BMPR1A: variants seen among roughly 807,000 people sequenced by gnomAD.
BMPR1A encodes the protein bone morphogenetic protein receptor type-1A.
BMPR1A carries 7 observed loss-of-function variants against 66.0 expected under a neutral mutation model. That is an observed-to-expected ratio of 0.11 (90% CI 0.06 to 0.20). The LOEUF is 0.20. Among genes scored for constraint, BMPR1A ranks in the 10% least tolerant of loss-of-function variants. BMPR1A has a pLI of 1.00. For missense variants in BMPR1A, 408 were observed against 669.1 expected (o/e 0.61, Z 4.31); for synonymous variants, 200 against 229.7 (o/e 0.87, Z 1.17).
At chr10:86,931,864 A>G (rs1486051441), downstream of BMPR1A, 1 of 151,774 alleles carries the variant, frequency 6.6e-6, no homozygotes, top group Non-Finnish European at 1.5e-5. Flanking sequence ...TTCTCTTTCT[A>G]GAACTTTCTA....
intron 1 of BMPR1A, among the ~76,000 whole-genome samples, chr10:86,790,629 C>T (rs1841601948): frequency 6.6e-6 from 1 of 152,026 alleles, no homozygotes; most frequent in Non-Finnish European, 1.5e-5. Flanking sequence ...ATGAAGTACT[C>T]ACTCATTTTA....
chr10:86,899,913 G>C (rs1843284247), intron 6 of BMPR1A, 23 bp downstream of exon 6: 1 of 1,611,772 alleles, frequency 6.2e-7, no homozygotes, highest in African/African-American at 1.3e-5. Flanking sequence ...AGAAAAGTCG[G>C]AGCATGCTTC....
intron 1 of BMPR1A, among the ~76,000 whole-genome samples, chr10:86,785,758 T>G (rs969758593): frequency 6.6e-6 from 1 of 152,238 alleles, no homozygotes; most frequent in African/African-American, 2.4e-5. Context: ...CTGTTTTTTC[T>G]TTCAATTCTG....
chr10:86,886,515 T>C (rs1158251643), intron 3 of BMPR1A, among the ~76,000 whole-genome samples: 1 of 152,136 alleles, frequency 6.6e-6, no homozygotes, highest in Non-Finnish European at 1.5e-5. Context: ...CCAAAAGACT[T>C]TGGTAAGACC....
chr10:86,810,901 T>TTGTG (rs3086853), intron 1 of BMPR1A, among the ~76,000 whole-genome samples: 4 of 151,522 alleles, frequency 2.6e-5, no homozygotes, highest in South Asian at 2.1e-4. Context: ...AGCACAACAT[T>TTGTG]TGTGTGTGTG....
chr10:86,824,081 TTGTGTGTGTGTGTG>T (rs71477609), intron 1 of BMPR1A, among the ~76,000 whole-genome samples: 1 of 94,036 alleles, frequency 1.1e-5, no homozygotes, highest in Admixed American at 1.2e-4. Flanking sequence ...TTACCAAGGG[TTGTGTGTGTGTGTG>T]TGTGTGTGTG....
At chr10:86,881,518 G>A (rs960507528) in intron 3 of BMPR1A, among the ~76,000 whole-genome samples, 1 of 152,172 alleles carries the variant, frequency 6.6e-6, no homozygotes, top group African/African-American at 2.4e-5. Context: ...CAGGCATTTG[G>A]TTCCCTCCTG....
chr10:86,883,091 A>G (rs1362623325), intron 3 of BMPR1A, among the ~76,000 whole-genome samples: 20 of 152,240 alleles, frequency 1.3e-4, no homozygotes, highest in Admixed American at 1.3e-3. Context: ...GACAGTATCA[A>G]CTGATGACCA....
chr10:86,766,494 A>G (rs1004523206), intron 1 of BMPR1A, among the ~76,000 whole-genome samples: 3 of 152,190 alleles, frequency 2.0e-5, no homozygotes, highest in Non-Finnish European at 4.4e-5. Flanking sequence ...TGCATTTACT[A>G]TAAGAGAAGC....
intron 7 of BMPR1A, among the ~76,000 whole-genome samples, chr10:86,902,821 A>G (rs1183923060): frequency 6.6e-6 from 1 of 152,194 alleles, no homozygotes; most frequent in Non-Finnish European, 1.5e-5. Context: ...GTTGTGAGGA[A>G]GCTACCAAGC....
chr10:86,832,478 A>AG (rs1458339720), intron 1 of BMPR1A, among the ~76,000 whole-genome samples: 1 of 152,086 alleles, frequency 6.6e-6, no homozygotes, highest in Non-Finnish European at 1.5e-5. Context: ...AAAAAAAAAA[A>AG]AAAAGAAATC....
At chr10:86,892,846 G>C (rs1414935664) in intron 5 of BMPR1A, among the ~76,000 whole-genome samples, 6 of 142,868 alleles carry the variant, frequency 4.2e-5, no homozygotes, top group Non-Finnish European at 9.0e-5. Flanking sequence ...CTGGGCCACA[G>C]AGCAAGACCC....
intron 8 of BMPR1A, 107 bp downstream of exon 8, chr10:86,912,491 T>C: frequency 7.2e-7 from 1 of 1,391,578 alleles, no homozygotes; most frequent in Non-Finnish European, 1.0e-6. Flanking sequence ...AATGGACACA[T>C]TTTTTTCTCC....
intron 1 of BMPR1A, among the ~76,000 whole-genome samples, chr10:86,834,264 G>A (rs553578222): frequency 6.6e-6 from 1 of 152,310 alleles, no homozygotes; most frequent in Non-Finnish European, 1.5e-5. Context: ...TCTGGAAGAA[G>A]CCTTTTCCCC....
chr10:86,767,584 G>GGGGGGATCGCTTGAGCCC (rs1841187576), intron 1 of BMPR1A, among the ~76,000 whole-genome samples: 1 of 152,134 alleles, frequency 6.6e-6, no homozygotes, highest in African/African-American at 2.4e-5. Flanking sequence ...AAGCTGAGGT[G>GGGGGGATCGCTTGAGCCC]GGGGGATCGC....
At chr10:86,789,884 C>T (rs879338215) in intron 1 of BMPR1A, among the ~76,000 whole-genome samples, 8 of 151,370 alleles carry the variant, frequency 5.3e-5, no homozygotes, top group Admixed American at 1.3e-4. Context: ...AGGCTGGGCA[C>T]GGTGGCTCAC....
At chr10:86,842,222 G>A (rs1842433960) in intron 2 of BMPR1A, among the ~76,000 whole-genome samples, 1 of 152,172 alleles carries the variant, frequency 6.6e-6, no homozygotes, top group African/African-American at 2.4e-5. Context: ...GGAGGTTCCA[G>A]CTGGTGTCTG....
At chr10:86,908,451 C>T (rs565952241) in intron 7 of BMPR1A, among the ~76,000 whole-genome samples, 2 of 152,248 alleles carry the variant, frequency 1.3e-5, no homozygotes, top group South Asian at 2.1e-4. Context: ...TAGTACGAGT[C>T]GATTTGGGTT....
chr10:86,920,640 T>C (rs1186441860), intron 10 of BMPR1A, among the ~76,000 whole-genome samples: 1 of 152,154 alleles, frequency 6.6e-6, no homozygotes, highest in Non-Finnish European at 1.5e-5. Context: ...TGCTTTAGAG[T>C]AATTATTACT....
Sources: gnomAD v4.1 joint callset for allele counts (sites outside exome capture counted in the v4.1 genomes callset) on GRCh38, gnomAD v4.1.1 for gene constraint, MANE v1.5 for transcripts, NCBI Gene and HGNC (gene_info 2026-07-23, HGNC 2026-07-21) for gene names.